Variants in EML1 observed in about 807,000 individuals in gnomAD.
The protein encoded by EML1 is echinoderm microtubule-associated protein-like 1.
A neutral mutation model predicts 110.4 loss-of-function variants in EML1; 27 were observed. That is an observed-to-expected ratio of 0.24 (90% CI 0.18 to 0.34). EML1 has a LOEUF of 0.34. Among genes scored for constraint, EML1 ranks in the 10% least tolerant of loss-of-function variants. EML1 has a pLI of 1.00. For missense variants in EML1, 741 were observed against 1,030.9 expected (o/e 0.72, Z 3.85); for synonymous variants, 344 against 385.8 (o/e 0.89, Z 1.27).
intron 9 of EML1, among the ~76,000 whole-genome samples, chr14:99,902,321 A>C (rs1288078656): frequency 6.6e-6 from 1 of 152,234 alleles, no homozygotes; most frequent in Non-Finnish European, 1.5e-5. Flanking sequence ...CAGTGTGTCC[A>C]GAATTGGAAT....
At chr14:99,851,487 T>G (rs1272883622) in intron 2 of EML1, among the ~76,000 whole-genome samples, 2 of 152,094 alleles carry the variant, frequency 1.3e-5, no homozygotes, top group African/African-American at 4.8e-5. Context: ...TTTTGTATTT[T>G]TAGTGGAGAC....
At chr14:99,867,567 A>G (rs1264156751) in intron 3 of EML1, among the ~76,000 whole-genome samples, 2 of 152,056 alleles carry the variant, frequency 1.3e-5, no homozygotes, top group Non-Finnish European at 2.9e-5. Flanking sequence ...TAAGTATTTT[A>G]TCCTTTTTGA....
chr14:99,848,279 A>G (rs768408443), intron 1 of EML1, among the ~76,000 whole-genome samples: 1 of 152,160 alleles, frequency 6.6e-6, no homozygotes, highest in Non-Finnish European at 1.5e-5. Flanking sequence ...AACTGCTTAC[A>G]TGAGATCTAT....
chr14:99,907,330 T>G, intron 9 of EML1: 1 of 305,532 alleles, frequency 3.3e-6, no homozygotes, highest in Non-Finnish European at 6.0e-6. Flanking sequence ...TAGCTGGGAG[T>G]GGTGGTACAC....
intron 1 of EML1, among the ~76,000 whole-genome samples, chr14:99,799,540 A>G (rs1049169421): frequency 6.6e-6 from 1 of 152,232 alleles, no homozygotes; most frequent in Non-Finnish European, 1.5e-5. Context: ...AAACGCTTTC[A>G]TGGAAAAGTG....
intron 1 of EML1, among the ~76,000 whole-genome samples, chr14:99,750,880 T>TG (rs1299143777): frequency 2.0e-5 from 3 of 151,990 alleles, no homozygotes; most frequent in Admixed American, 2.0e-4. Context: ...TGGGGTGGCC[T>TG]GGGGGAGAGG....
At chr14:99,756,739 T>C (rs2057259801) in intron 1 of EML1, among the ~76,000 whole-genome samples, 1 of 152,186 alleles carries the variant, frequency 6.6e-6, no homozygotes. Flanking sequence ...AATCTGAATC[T>C]TGGGGCTCTG....
At chr14:99,742,436 A>C (rs2057053757) in intron 1 of EML1, among the ~76,000 whole-genome samples, 1 of 152,070 alleles carries the variant, frequency 6.6e-6, no homozygotes, top group Admixed American at 6.6e-5. Flanking sequence ...AATTGGAAGG[A>C]GGATCTGGAG....
chr14:99,798,714 A>G (rs890248360), intron 1 of EML1, among the ~76,000 whole-genome samples: 2 of 152,168 alleles, frequency 1.3e-5, no homozygotes, highest in South Asian at 2.1e-4. Flanking sequence ...AATGCAGCCT[A>G]AGGTTATATA....
chr14:99,760,642 G>C (rs1208912964), intron 1 of EML1, among the ~76,000 whole-genome samples: 1 of 152,192 alleles, frequency 6.6e-6, no homozygotes, highest in Non-Finnish European at 1.5e-5. Context: ...AGCATGCAAA[G>C]TGCTGATTTT....
At position 99,853,308 on chromosome 14, in the gene EML1, T is replaced by A. The variant is rs528007750; in HGVS notation, c.250+2273T>A. On this transcript the variant is annotated intron_variant, in intron 2 of 21. Transcript: ENST00000262233. ...CTGCATCCCCTGAGTGGAGGGACCT[T>A]GGGCTCTCTACTTTCTGTGCAGCTA... is the stretch of plus-strand genomic sequence containing the variant. Among the ~76,000 whole-genome samples the A allele has an allele frequency of 1.1e-4, 16 of 152,218 alleles. No homozygotes were observed. In the East Asian group the frequency reaches 2.9e-3, roughly 28 times the overall value.
intron 1 of EML1, among the ~76,000 whole-genome samples, chr14:99,751,594 G>A (rs2057176189): frequency 6.6e-6 from 1 of 152,132 alleles, no homozygotes; most frequent in Non-Finnish European, 1.5e-5. Flanking sequence ...TCAGGGACGG[G>A]GTGTCAGAAC....
chr14:99,797,596 A>C (rs935386471), intron 1 of EML1, among the ~76,000 whole-genome samples: 3 of 152,184 alleles, frequency 2.0e-5, no homozygotes, highest in Non-Finnish European at 4.4e-5. Context: ...TAATTAAGGA[A>C]ATGGATGAAA....
chr14:99,782,376 G>A (rs555610064), intron 1 of EML1, among the ~76,000 whole-genome samples: 1 of 152,314 alleles, frequency 6.6e-6, no homozygotes, highest in South Asian at 2.1e-4. Flanking sequence ...GCAGAGACTG[G>A]AGCCAGCGCC....
chr14:99,872,947 G>A (rs1425037372), intron 3 of EML1, among the ~76,000 whole-genome samples: 1 of 152,092 alleles, frequency 6.6e-6, no homozygotes, highest in Non-Finnish European at 1.5e-5. Flanking sequence ...ATCCCCTTTG[G>A]AAATAGTCCA....
intron 1 of EML1, among the ~76,000 whole-genome samples, chr14:99,759,620 A>C (rs10130992): frequency 0.43 from 65,252 of 151,928 alleles, 14,362 homozygotes; most frequent in East Asian, 0.58. Flanking sequence ...ACCGTCCTAC[A>C]GTCCAGGCCT....
upstream of EML1, among the ~76,000 whole-genome samples, chr14:99,789,278 G>A (rs926410534): frequency 2.6e-5 from 4 of 151,906 alleles, no homozygotes; most frequent in Non-Finnish European, 4.4e-5. Context: ...GCACGATCTC[G>A]GCTCATTGCA....
At chr14:99,750,430 C>T (rs2057162833) in intron 1 of EML1, among the ~76,000 whole-genome samples, 1 of 152,194 alleles carries the variant, frequency 6.6e-6, no homozygotes, top group African/African-American at 2.4e-5. Flanking sequence ...AGTAGAAAGT[C>T]AGGGAGGGGA....
upstream of EML1, among the ~76,000 whole-genome samples, chr14:99,793,187 G>A (rs1284042533): frequency 6.8e-6 from 1 of 147,138 alleles, no homozygotes; most frequent in African/African-American, 2.4e-5. Flanking sequence ...TCCCCGCGGG[G>A]AAAGAGGCCG....
Sources: allele counts gnomAD v4.1 joint callset (sites outside exome capture counted in the v4.1 genomes callset), GRCh38; gene constraint gnomAD v4.1.1; transcripts MANE v1.5; gene names NCBI Gene and HGNC (gene_info 2026-07-23, HGNC 2026-07-21).